The following PREX2 variants were observed in gnomAD, a reference collection of about 807,000 sequenced individuals.
The protein encoded by PREX2 is phosphatidylinositol 3,4,5-trisphosphate-dependent Rac exchanger 2 protein.
A neutral mutation model predicts 203.2 loss-of-function variants in PREX2; 107 were observed. The observed-to-expected ratio is 0.53, with a 90% CI of 0.45 to 0.62. PREX2 has a LOEUF of 0.62. Ranked by LOEUF, PREX2 falls within the 20% of genes least tolerant of loss-of-function variation. The pLI is 0.00. For missense variants in PREX2, 1,777 were observed against 1,955.9 expected (o/e 0.91, Z 1.72); for synonymous variants, 672 against 663.6 (o/e 1.01, Z -0.19).
At chr8:68,096,024 A>T (rs920698113) in intron 21 of PREX2, among the ~76,000 whole-genome samples, 3 of 152,164 alleles carry the variant, frequency 2.0e-5, no homozygotes, top group Admixed American at 1.3e-4. Flanking sequence ...CACTCCTGGA[A>T]GGCCACTTGG....
intron 1 of PREX2, among the ~76,000 whole-genome samples, chr8:67,964,396 G>T (rs1805713708): frequency 6.6e-6 from 1 of 152,202 alleles, no homozygotes; most frequent in African/African-American, 2.4e-5. Flanking sequence ...GAGGGGCAAA[G>T]GGTCATCTCT....
intron 35 of PREX2, among the ~76,000 whole-genome samples, chr8:68,163,859 T>G (rs1284519187): frequency 6.6e-6 from 1 of 152,184 alleles, no homozygotes; most frequent in Non-Finnish European, 1.5e-5. Context: ...AACCATTTAT[T>G]GTAAACAATA....
intron 1 of PREX2, among the ~76,000 whole-genome samples, chr8:67,987,403 C>T (rs1404368819): frequency 6.6e-6 from 1 of 152,004 alleles, no homozygotes; most frequent in East Asian, 1.9e-4. Context: ...ATTCTTATTC[C>T]TCTTCAATCG....
chr8:68,099,611 T>C, intron 22 of PREX2, 71 bp from the exon 23 acceptor site: 1 of 1,424,364 alleles, frequency 7.0e-7, no homozygotes, highest in Non-Finnish European at 9.5e-7. Flanking sequence ...CTTGTTTCGT[T>C]TTGTTTTTCT....
At position 68,157,305 on chromosome 8, in the gene PREX2, T is replaced by A; in HGVS notation, c.4232-17T>A. 7.3e-7 allele frequency: 1 copy of A among 1,374,712 alleles called. No individual in the cohort carries two copies. The highest frequency in any genetic ancestry group is 1.2e-5 in the South Asian group (1 of 81,276). The allele number at this position is 1,374,712 out of a possible 1,614,324, so 85.2% of individuals were successfully genotyped here. A position where few individuals can be genotyped will look rare whatever the true frequency, so the allele number is the denominator to read the frequency against. On this transcript the variant is annotated splice_polypyrimidine_tract_variant and intron_variant, in intron 34 of 39. Transcript: ENST00000288368. ...GTTATAAAGTTGCTTGTAAAATATG[T>A]TTACTTGTTTACACAGCACTAGAGA...
intron 34 of PREX2, among the ~76,000 whole-genome samples, chr8:68,152,289 G>GAA (rs573525316): frequency 5.4e-4 from 39 of 72,872 alleles, no homozygotes; most frequent in Non-Finnish European, 6.5e-4. Context: ...CCCTCTCAGA[G>GAA]AAAAAAAAAA....
Position 67,954,041 on chromosome 8 carries a change from A to G in PREX2, c.141+1506A>G, listed in dbSNP as rs139570875. ...GCTAATTTGCAGAGACAGTTAATCT[A>G]ATTATATTAAAAACCAATTTGTTGA... On this transcript the variant is annotated intron_variant, in intron 1 of 39. Coordinates refer to ENST00000288368, the MANE Select transcript of PREX2 (RefSeq NM_024870.4). Among the ~76,000 whole-genome samples the G allele has an allele frequency of 2.2e-4, 33 of 152,354 alleles. No homozygotes were observed. The East Asian group carries it at 6.4e-3, about 29-fold the overall frequency.
intron 30 of PREX2, among the ~76,000 whole-genome samples, chr8:68,122,885 C>T (rs1158718550): frequency 3.9e-5 from 6 of 152,054 alleles, no homozygotes; most frequent in Non-Finnish European, 8.8e-5. Flanking sequence ...GTTATGATTT[C>T]ACTTCTTTTG....
chr8:68,093,424 G>T, intron 20 of PREX2, among the ~76,000 whole-genome samples, 181 bp from the exon 21 acceptor site: 1 of 148,520 alleles, frequency 6.7e-6, no homozygotes, highest in Non-Finnish European at 1.5e-5. Context: ...AAGAAAGAGT[G>T]TTTGTTAAAC....
At chr8:68,189,703 G>T (rs1177133590) in intron 35 of PREX2, among the ~76,000 whole-genome samples, 1 of 152,128 alleles carries the variant, frequency 6.6e-6, no homozygotes, top group African/African-American at 2.4e-5. Context: ...AGTCTGGTGG[G>T]TTGCTGCCTG....
intron 22 of PREX2, 136 bp downstream of exon 22, chr8:68,097,337 T>C: frequency 4.2e-6 from 3 of 717,044 alleles, no homozygotes; most frequent in South Asian, 2.1e-5. Flanking sequence ...TTTTTTTTTT[T>C]TTCTTGAGAC....
At chr8:68,037,764 T>G (rs1808075072) in intron 6 of PREX2, among the ~76,000 whole-genome samples, 1 of 152,228 alleles carries the variant, frequency 6.6e-6, no homozygotes, top group African/African-American at 2.4e-5. Context: ...TTTCATGTAC[T>G]TTGTGCCTGT....
chr8:68,116,308 T>C (rs144301452), intron 26 of PREX2, among the ~76,000 whole-genome samples: 2 of 152,320 alleles, frequency 1.3e-5, no homozygotes, highest in East Asian at 3.9e-4. Context: ...GGAGTTCTTT[T>C]GGCTCTTTTT....
At chr8:68,032,767 C>T (rs1807921763) in intron 6 of PREX2, among the ~76,000 whole-genome samples, 1 of 152,132 alleles carries the variant, frequency 6.6e-6, no homozygotes. Context: ...CTTTGTGTGT[C>T]TGTGGAGAGG....
At chr8:68,172,213 T>C (rs141507839) in intron 35 of PREX2, among the ~76,000 whole-genome samples, 19 of 152,330 alleles carry the variant, frequency 1.2e-4, no homozygotes, top group African/African-American at 4.6e-4. Flanking sequence ...TACAAAGTAT[T>C]TGAATTAGTT....
At chr8:68,127,088 T>C (rs1011381312) in intron 30 of PREX2, among the ~76,000 whole-genome samples, 2 of 152,130 alleles carry the variant, frequency 1.3e-5, no homozygotes, top group African/African-American at 2.4e-5. Context: ...TGGTGTTTCA[T>C]TGACTGATAT....
chr8:68,108,959 T>C (rs1326049195), intron 24 of PREX2: 3 of 412,402 alleles, frequency 7.3e-6, no homozygotes, highest in South Asian at 1.8e-5. Flanking sequence ...GAAAGACAAA[T>C]ACTATATGAT....
intron 14 of PREX2, among the ~76,000 whole-genome samples, chr8:68,074,881 T>C (rs891157382): frequency 6.6e-6 from 1 of 152,222 alleles, no homozygotes; most frequent in Non-Finnish European, 1.5e-5. Flanking sequence ...TATTGTGCGA[T>C]GTCATCTTGG....
intron 13 of PREX2, 23 bp from the exon 14 acceptor site, chr8:68,072,472 T>G (rs760023038): frequency 7.1e-7 from 1 of 1,414,270 alleles, no homozygotes; most frequent in Non-Finnish European, 9.9e-7. Context: ...TTTGTTTGTT[T>G]GTTTTTATTT....
Sources: gnomAD v4.1 joint callset for allele counts (sites outside exome capture counted in the v4.1 genomes callset) on GRCh38, gnomAD v4.1.1 for gene constraint, MANE v1.5 for transcripts, NCBI Gene and HGNC (gene_info 2026-07-23, HGNC 2026-07-21) for gene names.